Variants in PCDH7 observed in about 807,000 individuals in gnomAD.
PCDH7 encodes the protein protocadherin 7, also known as protocadherin-7.
Under a neutral mutation model 58.9 loss-of-function variants are expected in PCDH7, and 17 were observed. That is an observed-to-expected ratio of 0.29 (90% CI 0.20 to 0.43). PCDH7 has a LOEUF of 0.43. Among genes scored for constraint, PCDH7 ranks in the 20% least tolerant of loss-of-function variants. The pLI, the probability that PCDH7 is intolerant of heterozygous loss-of-function variation, is 1.00. For missense variants in PCDH7, 1,274 were observed against 1,441.0 expected (o/e 0.88, Z 1.88); for synonymous variants, 664 against 616.4 (o/e 1.08, Z -1.14).
At chr4:31,144,613 C>G (rs1033493291), downstream of PCDH7, 1 of 152,150 alleles carries the variant, frequency 6.6e-6, no homozygotes, top group Non-Finnish European at 1.5e-5. Context: ...ATTTCTTAGA[C>G]TATAAAGTGA....
At chr4:31,098,974 C>G (rs1027572464) in intron 3 of PCDH7, among the ~76,000 whole-genome samples, 2 of 152,148 alleles carry the variant, frequency 1.3e-5, no homozygotes, top group Non-Finnish European at 2.9e-5. Flanking sequence ...ACTCCTCTCT[C>G]ATAAAGGCAC....
intron 1 of PCDH7, among the ~76,000 whole-genome samples, chr4:30,818,720 A>G (rs1278991908): frequency 6.6e-6 from 1 of 152,172 alleles, no homozygotes; most frequent in Non-Finnish European, 1.5e-5. Context: ...ATCCCAGGAA[A>G]CTAGCCCTGA....
intron 3 of PCDH7, among the ~76,000 whole-genome samples, chr4:30,964,246 A>G (rs199551139): frequency 4.1e-5 from 2 of 48,998 alleles, no homozygotes; most frequent in African/African-American, 5.1e-4. Context: ...TTATTTATTT[A>G]TTTATTTTTT....
At chr4:31,035,618 C>T (rs958522072) in intron 3 of PCDH7, among the ~76,000 whole-genome samples, 1 of 152,194 alleles carries the variant, frequency 6.6e-6, no homozygotes, top group African/African-American at 2.4e-5. Flanking sequence ...ATCCTCAGAA[C>T]CAAAGAGCAG....
At chr4:30,863,563 G>C (rs1734485364) in intron 1 of PCDH7, among the ~76,000 whole-genome samples, 1 of 152,050 alleles carries the variant, frequency 6.6e-6, no homozygotes, top group Admixed American at 6.6e-5. Context: ...GGTTTTTCCA[G>C]GGCAAGAATT....
At chr4:30,918,153 T>A (rs545785890) in intron 1 of PCDH7, among the ~76,000 whole-genome samples, 2 of 152,324 alleles carry the variant, frequency 1.3e-5, no homozygotes, top group African/African-American at 4.8e-5. Context: ...AATGGTAATA[T>A]GTCTGCATGA....
At chr4:31,113,147 T>G (rs1309560061) in intron 3 of PCDH7, among the ~76,000 whole-genome samples, 1 of 152,182 alleles carries the variant, frequency 6.6e-6, no homozygotes, top group African/African-American at 2.4e-5. Context: ...GGAAAATTTT[T>G]GAGTTGTCAT....
At chr4:31,083,470 C>G (rs747504305) in intron 3 of PCDH7, among the ~76,000 whole-genome samples, 4 of 152,096 alleles carry the variant, frequency 2.6e-5, no homozygotes, top group Non-Finnish European at 5.9e-5. Context: ...ATTTTGCTTT[C>G]AAAATCATGT....
intron 1 of PCDH7, among the ~76,000 whole-genome samples, chr4:30,772,909 CT>C (rs1168290531): frequency 3.3e-5 from 5 of 151,692 alleles, no homozygotes; most frequent in South Asian, 2.1e-4. Context: ...TATCTAATCC[CT>C]TTTTTTTGTG....
At chr4:30,930,516 C>G (rs892901197) in intron 2 of PCDH7, among the ~76,000 whole-genome samples, 1 of 152,116 alleles carries the variant, frequency 6.6e-6, no homozygotes, top group African/African-American at 2.4e-5. Context: ...ATAGATCAGA[C>G]TACGATTTAA....
At chr4:30,943,495 G>T (rs1399637554) in intron 2 of PCDH7, among the ~76,000 whole-genome samples, 1 of 152,044 alleles carries the variant, frequency 6.6e-6, no homozygotes, top group East Asian at 1.9e-4. Flanking sequence ...AACAAAATCT[G>T]TCAAAACAAA....
chr4:31,129,926 C>A (rs946632253), intron 3 of PCDH7, among the ~76,000 whole-genome samples: 1 of 130,216 alleles, frequency 7.7e-6, no homozygotes, highest in Non-Finnish European at 1.6e-5. Flanking sequence ...CCATAACAGG[C>A]CACAATTTTT....
rs545443149 is a variant in PCDH7, at chr4:30,797,958, A to G, written c.70+73362A>G. Among the ~76,000 whole-genome samples, 18 of 152,308 alleles carry G rather than the reference A, an allele frequency of 1.2e-4. No homozygotes were observed. In the South Asian group the frequency reaches 1.7e-3, roughly 14 times the overall value. On this transcript the variant is annotated intron_variant, in intron 1 of 3. Coordinates refer to the PCDH7 transcript ENST00000509759. ...GTCACGAATCACGTGAATCTGTAAC[A>G]AATCATGTGAACTTCGTTAGAGCTT...
intron 1 of PCDH7, among the ~76,000 whole-genome samples, chr4:30,815,064 A>AATAC (rs1727496491): frequency 1.3e-5 from 2 of 152,166 alleles, no homozygotes; most frequent in Admixed American, 6.5e-5. Flanking sequence ...GCTCAATTGT[A>AATAC]AGTTATACAA....
At chr4:30,957,481 A>G (rs750765226) in intron 3 of PCDH7, among the ~76,000 whole-genome samples, 1 of 152,194 alleles carries the variant, frequency 6.6e-6, no homozygotes, top group Non-Finnish European at 1.5e-5. Flanking sequence ...ATGTGGATCT[A>G]ATTTTGAAAT....
chr4:31,144,045 G>A (rs933940363), downstream of PCDH7: 3 of 152,130 alleles, frequency 2.0e-5, no homozygotes, highest in Admixed American at 1.3e-4. Flanking sequence ...TTAAGTCCAC[G>A]ATTATCATTT....
Position 30,723,269 on chromosome 4 carries a change from T to TC in PCDH7, c.1851dup (p.Val618ArgfsTer14), listed in dbSNP as rs918573551. On this transcript the variant is annotated frameshift_variant, in exon 1 of 2. Transcript: ENST00000361762. LOFTEE classifies it high-confidence loss of function. This position sits in a 1 kb window ranked among gnomAD's most constrained non-coding sequence, Gnocchi z 4.6. ...AAAGTTAACGCCAAAGACAAAGGCA[T>TC]CCCCGTGCTGCAGGGCAGCACTACG... The TC allele has an allele frequency of 6.2e-7, 1 of 1,614,060 alleles. No individual in the cohort carries two copies. Among genetic ancestry groups the TC allele is most frequent in the Non-Finnish European group, 8.5e-7 (1 of 1,180,048 alleles).
intron 1 of PCDH7, among the ~76,000 whole-genome samples, chr4:30,739,564 A>G (rs1208630974): frequency 6.6e-6 from 1 of 152,056 alleles, no homozygotes; most frequent in Non-Finnish European, 1.5e-5. Flanking sequence ...TAATGTCTGG[A>G]TTTTTCCCAA....
At chr4:31,017,809 A>G (rs1226608710) in intron 3 of PCDH7, among the ~76,000 whole-genome samples, 1 of 152,180 alleles carries the variant, frequency 6.6e-6, no homozygotes, top group Non-Finnish European at 1.5e-5. Flanking sequence ...TTATCTTTGA[A>G]TATAGATACA....
Sources: gnomAD v4.1 joint callset for allele counts (sites outside exome capture counted in the v4.1 genomes callset) on GRCh38, gnomAD v4.1.1 for gene constraint, Gnocchi (gnomAD v3.1) non-coding constraint, MANE v1.5 for transcripts, NCBI Gene and HGNC (gene_info 2026-07-23, HGNC 2026-07-21) for gene names.